The following RAPGEF6 variants were observed in gnomAD, a reference collection of about 807,000 sequenced individuals.
The protein encoded by RAPGEF6 is PDZ domain containing guanine nucleotide exchange factor (GEF) 2.
Under a neutral mutation model 171.4 loss-of-function variants are expected in RAPGEF6, and 56 were observed. The ratio of observed to expected loss-of-function variants is 0.33; its 90% CI spans 0.26 to 0.41. The LOEUF is 0.41. Ranked by LOEUF, RAPGEF6 falls within the 10% of genes least tolerant of loss-of-function variation. RAPGEF6 has a pLI of 1.00. For missense variants in RAPGEF6, 1,674 were observed against 1,921.4 expected (o/e 0.87, Z 2.41); for synonymous variants, 692 against 650.1 (o/e 1.06, Z -0.98).
At chr5:131,467,932 G>A (rs1754473120) in intron 17 of RAPGEF6, among the ~76,000 whole-genome samples, 1 of 151,918 alleles carries the variant, frequency 6.6e-6, no homozygotes, top group Admixed American at 6.6e-5. Context: ...TCGGGAGTTT[G>A]AGGTGGGAGG....
chr5:131,476,821 C>T (rs1179489454), intron 16 of RAPGEF6, among the ~76,000 whole-genome samples: 2 of 152,106 alleles, frequency 1.3e-5, no homozygotes, highest in Non-Finnish European at 2.9e-5. Context: ...CGTGAGGCAC[C>T]GTGCCCAGCC....
chr5:131,484,646 A>C (rs1755749856), intron 15 of RAPGEF6, among the ~76,000 whole-genome samples: 1 of 152,220 alleles, frequency 6.6e-6, no homozygotes, highest in Non-Finnish European at 1.5e-5. Flanking sequence ...TATGAGCATA[A>C]AAGTACAAAG....
chr5:131,483,109 G>A (rs999385622), intron 15 of RAPGEF6, among the ~76,000 whole-genome samples: 2 of 152,140 alleles, frequency 1.3e-5, no homozygotes, highest in African/African-American at 4.8e-5. Context: ...AGCACTTTGG[G>A]AGGCTGAGGA....
intron 1 of RAPGEF6, among the ~76,000 whole-genome samples, chr5:131,606,919 T>A (rs180872462): frequency 1.3e-5 from 2 of 152,322 alleles, no homozygotes; most frequent in Admixed American, 1.3e-4. Context: ...ATGATCCCAA[T>A]TGAGGCTCTA....
intron 6 of RAPGEF6, among the ~76,000 whole-genome samples, chr5:131,538,131 T>TA (rs894769065): frequency 2.0e-5 from 3 of 151,632 alleles, no homozygotes; most frequent in Non-Finnish European, 2.9e-5. Flanking sequence ...ACTACAACAA[T>TA]AAAAAAAACT....
intron 1 of RAPGEF6, among the ~76,000 whole-genome samples, chr5:131,624,848 C>T (rs921377190): frequency 7.9e-5 from 12 of 152,306 alleles, no homozygotes; most frequent in Admixed American, 3.3e-4. Flanking sequence ...AATGGCTGGG[C>T]GCAGTTGCTC....
At chr5:131,483,768 A>G (rs1315395465) in intron 15 of RAPGEF6, among the ~76,000 whole-genome samples, 1 of 152,132 alleles carries the variant, frequency 6.6e-6, no homozygotes, top group Non-Finnish European at 1.5e-5. Flanking sequence ...CAAGTCAATA[A>G]AAGATGAGTA....
chr5:131,506,089 TAAG>T (rs1405228592), intron 9 of RAPGEF6, among the ~76,000 whole-genome samples: 2 of 152,234 alleles, frequency 1.3e-5, no homozygotes, highest in African/African-American at 4.8e-5. Flanking sequence ...TCTCCTACGT[TAAG>T]AAAATAATGC....
intron 6 of RAPGEF6, among the ~76,000 whole-genome samples, chr5:131,528,239 T>C (rs1449569418): frequency 3.9e-5 from 5 of 127,920 alleles, no homozygotes; most frequent in Non-Finnish European, 8.0e-5. Context: ...TATTTATATA[T>C]CATATATATA....
At chr5:131,427,799 CA>C (rs968416005) in intron 27 of RAPGEF6, among the ~76,000 whole-genome samples, 3 of 152,166 alleles carry the variant, frequency 2.0e-5, no homozygotes, top group African/African-American at 7.2e-5. Context: ...GCAGCTTGCC[CA>C]TTTCATTTAA....
chr5:131,613,592 C>T (rs1765078421), intron 1 of RAPGEF6, among the ~76,000 whole-genome samples: 1 of 151,916 alleles, frequency 6.6e-6, no homozygotes, highest in Admixed American at 6.6e-5. Flanking sequence ...ATGAAAACAG[C>T]CATGGACAAC....
intron 1 of RAPGEF6, among the ~76,000 whole-genome samples, chr5:131,623,311 A>G (rs772156573): frequency 1.3e-4 from 20 of 152,186 alleles, no homozygotes; most frequent in Admixed American, 5.2e-4. Context: ...AGAACTGCCA[A>G]GTAAAACACT....
intron 24 of RAPGEF6, among the ~76,000 whole-genome samples, chr5:131,434,218 G>A (rs1751885316): frequency 6.6e-6 from 1 of 152,158 alleles, no homozygotes; most frequent in Non-Finnish European, 1.5e-5. Flanking sequence ...AAGAAGTCTT[G>A]TCTTGAGTTG....
chr5:131,447,226 C>T (rs1752778958), intron 21 of RAPGEF6: 1 of 153,710 alleles, frequency 6.5e-6, no homozygotes, highest in Admixed American at 6.4e-5. Flanking sequence ...ATTATTTTGG[C>T]CAAAACTCAA....
intron 2 of RAPGEF6, among the ~76,000 whole-genome samples, chr5:131,603,955 TATTA>T (rs1299323705): frequency 6.6e-6 from 1 of 152,136 alleles, no homozygotes; most frequent in Non-Finnish European, 1.5e-5. Flanking sequence ...TTAATTAAAA[TATTA>T]TATAGTTAAG....
chr5:131,572,945 G>A (rs1488775006), intron 4 of RAPGEF6, among the ~76,000 whole-genome samples: 1 of 152,116 alleles, frequency 6.6e-6, no homozygotes, highest in African/African-American at 2.4e-5. Flanking sequence ...GTCAAAAATT[G>A]CGCAAATGGT....
At chr5:131,450,332 C>T (rs555856908) in intron 21 of RAPGEF6, among the ~76,000 whole-genome samples, 1 of 152,054 alleles carries the variant, frequency 6.6e-6, no homozygotes, top group Admixed American at 6.6e-5. Context: ...AAATAAGAAG[C>T]TTAAGGAAAA....
chr5:131,533,775 A>G (rs749015617), intron 6 of RAPGEF6, among the ~76,000 whole-genome samples: 52 of 152,146 alleles, frequency 3.4e-4, no homozygotes, highest in Middle Eastern at 3.2e-3. Context: ...TTCCTAGAAA[A>G]AGACAAGAAG....
At chr5:131,483,880 C>T (rs768578011) in intron 15 of RAPGEF6, among the ~76,000 whole-genome samples, 5 of 151,934 alleles carry the variant, frequency 3.3e-5, no homozygotes, top group Non-Finnish European at 5.9e-5. Flanking sequence ...GCAGGTGGAT[C>T]ATGAGGTCAG....
Sources: allele counts gnomAD v4.1 joint callset (sites outside exome capture counted in the v4.1 genomes callset), GRCh38; gene constraint gnomAD v4.1.1; transcripts MANE v1.5; gene names NCBI Gene and HGNC (gene_info 2026-07-23, HGNC 2026-07-21).